Variants in DENND11 observed in about 807,000 individuals in gnomAD.
DENND11 encodes the protein DENN domain containing 11, also known as DENN domain-containing protein 11.
Under a neutral mutation model 49.2 loss-of-function variants are expected in DENND11, and 34 were observed. The observed-to-expected ratio is 0.69, with a 90% CI of 0.53 to 0.92. The LOEUF (loss-of-function observed/expected upper bound fraction) is 0.92. Among genes scored for constraint, DENND11 ranks in the 40% least tolerant of loss-of-function variants. The probability of loss-of-function intolerance (pLI) is 0.00; values close to 1 mark genes in which losing one functional copy is unlikely to be tolerated. For synonymous variants in DENND11, 238 were observed against 230.3 expected, an observed-to-expected ratio of 1.03 and a Z score of -0.30; for missense variants, 475 against 581.6, an observed-to-expected ratio of 0.82 and a Z score of 1.88.
At chr7:141,691,715 G>A (rs1798329050) in intron 1 of DENND11, among the ~76,000 whole-genome samples, 1 of 152,308 alleles carries the variant, frequency 6.6e-6, no homozygotes, top group Admixed American at 6.5e-5. Flanking sequence ...CCCATGGCAA[G>A]CACATTCCTG....
At position 141,674,165 on chromosome 7, in the gene DENND11, T is replaced by C. The variant is rs1183166868; in HGVS notation, c.583A>G (p.Lys195Glu). 7.0e-6 allele frequency: 11 copies of C among 1,564,718 alleles called. No homozygotes were observed. The highest frequency in any genetic ancestry group is 9.5e-6 in the Non-Finnish European group (11 of 1,154,420). ...YSHLAAFYED[K>E]KGVLHAGPGR... The stretch of plus-strand genomic sequence containing the variant: ...GGACCAGCATGGAGCACCCCCTTTT[T>C]GTCCTCATAGAAGGCAGCCAGATGA... The change falls in exon 4 of 9, where the codon AAA (lysine) becomes GAA (glutamate). Residue 195 changes from lysine (K) to glutamate (E), a missense_variant. Transcript: ENST00000536163.
At chr7:141,669,589 TG>T (rs1257862275) in intron 4 of DENND11, among the ~76,000 whole-genome samples, 1 of 152,108 alleles carries the variant, frequency 6.6e-6, no homozygotes, top group Non-Finnish European at 1.5e-5. Flanking sequence ...AAAAATTCAT[TG>T]AATTATATAC....
intron 1 of DENND11, among the ~76,000 whole-genome samples, chr7:141,694,028 A>G (rs766262991): frequency 4.8e-4 from 73 of 152,224 alleles, no homozygotes; most frequent in Non-Finnish European, 9.8e-4. Context: ...TACCACACTA[A>G]TGAAAGATGT....
chr7:141,685,424 T>C lies in DENND11; in HGVS notation c.527+54A>G, dbSNP rs903764343. On this transcript the variant is annotated intron_variant, in intron 3 of 8. Transcript: ENST00000536163. ...GCTGTCTCCGAGGGCTCGTGCCATA[T>C]GCACCAGCTGGTGGATCCTGCTGCC... is the stretch of plus-strand genomic sequence containing the variant. 8.1e-6 allele frequency: 13 copies of C among 1,598,480 alleles called. No individual in the cohort carries two copies. The African/African-American group carries it at 1.2e-4, about 15-fold the overall frequency.
chr7:141,700,505 G>C (rs925614325), intron 1 of DENND11, among the ~76,000 whole-genome samples: 1 of 150,336 alleles, frequency 6.7e-6, no homozygotes, highest in African/African-American at 2.4e-5. Flanking sequence ...AGAGAAAAAA[G>C]AATGCATTAC....
At chr7:141,698,103 G>C (rs888199504) in intron 1 of DENND11, among the ~76,000 whole-genome samples, 3 of 152,272 alleles carry the variant, frequency 2.0e-5, no homozygotes, top group African/African-American at 4.8e-5. Flanking sequence ...CTCTTATAAA[G>C]AAACAGTCTA....
At chr7:141,687,275 T>C (rs1798257264) in intron 1 of DENND11, among the ~76,000 whole-genome samples, 1 of 152,194 alleles carries the variant, frequency 6.6e-6, no homozygotes, top group African/African-American at 2.4e-5. Context: ...GGGACAATGA[T>C]ATTTGCTTCC....
At chr7:141,664,300 G>T in intron 7 of DENND11, 60 bp from the exon 8 acceptor site, 1 of 1,370,872 alleles carries the variant, frequency 7.3e-7, no homozygotes, top group Non-Finnish European at 1.0e-6. Context: ...TCACAGGTGA[G>T]GCCTCAGCCA....
intron 1 of DENND11, among the ~76,000 whole-genome samples, chr7:141,696,347 G>A (rs1039323653): frequency 1.3e-5 from 2 of 152,196 alleles, no homozygotes; most frequent in African/African-American, 4.8e-5. Flanking sequence ...AGGGAGATTG[G>A]ACATTAACTG....
Position 141,660,169 on chromosome 7 carries a change from C to G in DENND11, c.*2487G>C, listed in dbSNP as rs773738232. ...AAGGTAACTGAAGAGATAAAGCACA[C>G]GCTGTTCAGCCAAGCAGAGGCTCTG... On this transcript the variant is annotated 3_prime_UTR_variant, in exon 9 of 9. Coordinates refer to ENST00000536163, the MANE Select transcript of DENND11 (RefSeq NM_001080392.2). 2 of 152,250 alleles carry G rather than the reference C, an allele frequency of 1.3e-5. No homozygotes were observed. The highest frequency in any genetic ancestry group is 2.9e-5 in the Non-Finnish European group (2 of 68,090). 9.4% of individuals were successfully genotyped at this position (152,250 alleles called of 1,614,324 possible).
intron 1 of DENND11, among the ~76,000 whole-genome samples, chr7:141,700,253 T>TAC (rs1798486053): frequency 2.0e-5 from 3 of 152,198 alleles, no homozygotes; most frequent in African/African-American, 7.2e-5. Flanking sequence ...GGTAGCTGTT[T>TAC]ACCTGTAAAT....
At chr7:141,671,750 T>C (rs915188551) in intron 4 of DENND11, among the ~76,000 whole-genome samples, 2 of 152,080 alleles carry the variant, frequency 1.3e-5, no homozygotes, top group Non-Finnish European at 2.9e-5. Flanking sequence ...AATTGGACTC[T>C]GAAGGAAAAA....
chr7:141,698,073 C>G (rs536481824), intron 1 of DENND11, among the ~76,000 whole-genome samples: 1 of 152,190 alleles, frequency 6.6e-6, no homozygotes. Flanking sequence ...AAACTCTAAA[C>G]GCAGCAGTGT....
chr7:141,690,066 T>G (rs1398389058), intron 1 of DENND11, among the ~76,000 whole-genome samples: 1 of 152,242 alleles, frequency 6.6e-6, no homozygotes, highest in Admixed American at 6.5e-5. Context: ...CTTCTTTGTA[T>G]GTTTCCAGCT....
chr7:141,681,676 A>G (rs1167464638), intron 3 of DENND11, among the ~76,000 whole-genome samples: 3 of 152,196 alleles, frequency 2.0e-5, no homozygotes, highest in East Asian at 1.9e-4. Context: ...CGAGAAGTCA[A>G]TTTAGTTTTT....
chr7:141,662,937 A>G (rs1396850782), intron 8 of DENND11, 86 bp from the exon 9 acceptor site: 4 of 976,090 alleles, frequency 4.1e-6, no homozygotes, highest in South Asian at 1.9e-5. Flanking sequence ...AACCAAAACT[A>G]TACTGTTTTG....
Position 141,657,409 on chromosome 7 carries a change from T to C in DENND11, c.*5247A>G, listed in dbSNP as rs1454315557. 1.3e-5 allele frequency: 2 copies of C among 152,210 alleles called. No individual in the cohort carries two copies. Among genetic ancestry groups the C allele is most frequent in the Non-Finnish European group, 2.9e-5 (2 of 68,050 alleles). The allele number at this position is 152,210 out of a possible 1,614,324, so 9.4% of individuals were successfully genotyped here. On this transcript the variant is annotated 3_prime_UTR_variant, in exon 9 of 9. Transcript: ENST00000536163. The stretch of plus-strand genomic sequence containing the variant: ...ATAACACCATCTTAAAATTTTTTAG[T>C]ATACTTTATCTTTCTTTAGTTTACC...
chr7:141,672,542 C>T (rs999940596), intron 4 of DENND11, among the ~76,000 whole-genome samples: 1 of 152,184 alleles, frequency 6.6e-6, no homozygotes, highest in Non-Finnish European at 1.5e-5. Context: ...AAATTCGATC[C>T]TGCCAACACC....
chr7:141,698,668 G>A (rs570755071), intron 1 of DENND11, among the ~76,000 whole-genome samples: 2 of 152,234 alleles, frequency 1.3e-5, no homozygotes, highest in East Asian at 3.9e-4. Context: ...ATCTAAAAGT[G>A]CAAAAGGATT....
Sources: allele counts gnomAD v4.1 joint callset (sites outside exome capture counted in the v4.1 genomes callset), GRCh38; gene constraint gnomAD v4.1.1; transcripts MANE v1.5; gene names NCBI Gene and HGNC (gene_info 2026-07-23, HGNC 2026-07-21).